The following KIAA1755 variants were observed in gnomAD, a reference collection of about 807,000 sequenced individuals.
The protein encoded by KIAA1755 is KIAA1755.
KIAA1755 carries 68 observed loss-of-function variants against 91.7 expected under a neutral mutation model. That is an observed-to-expected ratio of 0.74 (90% CI 0.61 to 0.91). KIAA1755 has a LOEUF of 0.91. Among genes scored for constraint, KIAA1755 ranks in the 40% least tolerant of loss-of-function variants. KIAA1755 has a pLI of 0.00. For missense variants in KIAA1755, 1,535 were observed against 1,494.4 expected, an observed-to-expected ratio of 1.03 and a Z score of -0.45; for synonymous variants, 610 against 604.6, an observed-to-expected ratio of 1.01 and a Z score of -0.13.
chr20:38,219,032 T>C (rs923559951), intron 11 of KIAA1755, among the ~76,000 whole-genome samples: 1 of 152,186 alleles, frequency 6.6e-6, no homozygotes, highest in African/African-American at 2.4e-5. Context: ...GTACTGATAT[T>C]ACCCCCCATT....
At chr20:38,213,969 T>TG (rs2075500303) in intron 13 of KIAA1755, among the ~76,000 whole-genome samples, 1 of 151,502 alleles carries the variant, frequency 6.6e-6, no homozygotes. Context: ...TTTTTTTTTT[T>TG]GAGATGGAGT....
In KIAA1755 at chr20:38,239,407, G is replaced by T. The variant is rs2076013334; in HGVS notation, c.1747+121C>A. 3 of 791,864 alleles carry T rather than the reference G, an allele frequency of 3.8e-6. No individual in the cohort carries two copies. In the South Asian group the frequency reaches 4.8e-5, roughly 13 times the overall value. 49.1% of individuals were successfully genotyped at this position (791,864 alleles called of 1,614,324 possible). ...GATGAGGAAACTGAGGCCCAAGGAGGCTTGGTCTAGAACCTAGGCCTCCAG... is the reference window on the plus strand; with the variant it reads ...GATGAGGAAACTGAGGCCCAAGGAGTCTTGGTCTAGAACCTAGGCCTCCAG... On this transcript the variant is annotated intron_variant, in intron 4 of 13. Transcript: ENST00000279024.
intron 5 of KIAA1755, among the ~76,000 whole-genome samples, chr20:38,228,718 T>C (rs947878408): frequency 2.0e-5 from 3 of 152,138 alleles, no homozygotes; most frequent in South Asian, 2.1e-4. Flanking sequence ...GCCAATGATA[T>C]GTGAGGGAAA....
At chr20:38,223,367 T>C (rs2075695869) in intron 9 of KIAA1755, among the ~76,000 whole-genome samples, 171 bp downstream of exon 9, 1 of 152,190 alleles carries the variant, frequency 6.6e-6, no homozygotes, top group Non-Finnish European at 1.5e-5. Flanking sequence ...TCCAGGCTGG[T>C]CTCCAGTGCA....
chr20:38,258,985 C>A (rs1361135358), intron 1 of KIAA1755, among the ~76,000 whole-genome samples: 5 of 152,116 alleles, frequency 3.3e-5, no homozygotes, highest in South Asian at 2.1e-4. Context: ...CACGCTGTGG[C>A]CCTGGAGTGA....
At chr20:38,253,066 A>AGCCCGCCTGG (rs1056650691) in intron 1 of KIAA1755, among the ~76,000 whole-genome samples, 2 of 111,762 alleles carry the variant, frequency 1.8e-5, no homozygotes, top group Non-Finnish European at 3.6e-5. Context: ...CACAGCCCGC[A>AGCCCGCCTGG]GCCCGGCAGG....
chr20:38,250,295 G>A (rs539372349), intron 1 of KIAA1755, among the ~76,000 whole-genome samples: 13 of 152,184 alleles, frequency 8.5e-5, no homozygotes, highest in Admixed American at 3.3e-4. Flanking sequence ...GATTTAACTC[G>A]TTGTGCCTCA....
In KIAA1755 at chr20:38,260,511, T is replaced by A; in HGVS notation, c.-11A>T. The A allele has an allele frequency of 6.8e-7, 1 of 1,481,104 alleles. No homozygotes were observed. The highest frequency in any genetic ancestry group is 8.9e-7 in the Non-Finnish European group (1 of 1,117,958). The allele number at this position is 1,481,104 out of a possible 1,614,324, so 91.7% of individuals were successfully genotyped here. On this transcript the variant is annotated 5_prime_UTR_variant, in exon 1 of 14. Coordinates refer to ENST00000279024, the MANE Select transcript of KIAA1755 (RefSeq NM_001029864.2). The stretch of plus-strand genomic sequence containing the variant: ...TTGGCGCGTTACCATGGTGACGGGC[T>A]GCCAGCGGCGGGCGGCGCGGCTCCT...
chr20:38,247,767 G>A (rs899497388), intron 1 of KIAA1755, among the ~76,000 whole-genome samples: 5 of 152,182 alleles, frequency 3.3e-5, no homozygotes, highest in African/African-American at 9.7e-5. Flanking sequence ...AGGTGGAAGA[G>A]GATGCAGAAG....
rs376735336 is a variant in KIAA1755 at position 38,216,935 on chromosome 20, G to A, written c.2901+318C>T. On this transcript the variant is annotated intron_variant, in intron 13 of 13. Coordinates refer to ENST00000279024, the MANE Select transcript of KIAA1755 (RefSeq NM_001029864.2). ...TGGGGAAGCATATAAGGCATGTCACGGGGTACCACAGACACATCTATGTTC... is the reference window on the plus strand; with the variant it reads ...TGGGGAAGCATATAAGGCATGTCACAGGGTACCACAGACACATCTATGTTC... 803 of 592,484 alleles carry A rather than the reference G, an allele frequency of 1.4e-3. 1 individual carries two copies. The highest frequency in any genetic ancestry group is 2.0e-3 in the South Asian group (130 of 65,764). 36.7% of individuals were successfully genotyped at this position (592,484 alleles called of 1,614,324 possible). A position where few individuals can be genotyped will look rare whatever the true frequency, so the allele number is the denominator to read the frequency against.
At chr20:38,233,152 C>T (rs2075899850) in intron 4 of KIAA1755, 1 of 151,934 alleles carries the variant, frequency 6.6e-6, no homozygotes, top group African/African-American at 2.4e-5. Context: ...GTTAAGTGTA[C>T]TAAATGGTAT....
chr20:38,253,974 C>T (rs1244520235), intron 1 of KIAA1755, among the ~76,000 whole-genome samples: 1 of 152,200 alleles, frequency 6.6e-6, no homozygotes, highest in African/African-American at 2.4e-5. Flanking sequence ...ACCTCTGCCT[C>T]CTGGGTTCAA....
At chr20:38,237,952 C>T (rs1241894073) in intron 4 of KIAA1755, among the ~76,000 whole-genome samples, 1 of 152,148 alleles carries the variant, frequency 6.6e-6, no homozygotes. Context: ...TGCACACATG[C>T]TACACATCAG....
chr20:38,217,283 C>T lies in KIAA1755; in HGVS notation c.2871G>A (p.Thr957=), dbSNP rs1052462146. ...TGCAGAAGCGGTGCAGGTGGAGCAG[C>T]GTCTCGAGGTCCGTGCGTTGCCGCT... ...AAERQRTDLE[T]LLHLHRFCKR... is the part of the protein sequence containing the mutation. Residue 957 remains threonine, a synonymous_variant, in exon 13 of 14, where the codon ACG becomes ACA. Coordinates refer to ENST00000279024, the MANE Select transcript of KIAA1755 (RefSeq NM_001029864.2). 3.1e-5 allele frequency: 49 copies of T among 1,605,372 alleles called. No individual in the cohort carries two copies. In the Admixed American group the frequency reaches 3.8e-4, roughly 12 times the overall value.
In KIAA1755 at chr20:38,228,195, C is replaced by T. The variant is rs1443214491; in HGVS notation, c.1917G>A (p.Arg639=). 6 of 1,604,968 alleles carry T rather than the reference C, an allele frequency of 3.7e-6. No individual in the cohort carries two copies. In the South Asian group the frequency reaches 6.8e-5, roughly 18 times the overall value. The change falls in exon 6 of 14, where the codon AGG becomes AGA. Residue 639 remains arginine (R), a synonymous_variant. Transcript: ENST00000279024. The part of the protein sequence containing the change: ...AKGLAVLIDA[R]RQPPQPGLVS... ...CCAGACCGGGCTGTGGGGGCTGTCT[C>T]CTGGCGTCAATCAGGACCGCCAGCC...
intron 12 of KIAA1755, 42 bp from the exon 13 acceptor site, chr20:38,217,516 T>C: frequency 6.8e-7 from 1 of 1,464,020 alleles, no homozygotes; most frequent in African/African-American, 1.4e-5. Context: ...GCACCCACCT[T>C]GGCTGGGGCC....
chr20:38,222,829 T>C (rs1371877228), intron 9 of KIAA1755: 2 of 596,222 alleles, frequency 3.4e-6, no homozygotes, highest in Non-Finnish European at 6.0e-6. Flanking sequence ...CATTCCAGCC[T>C]CTTCGCTGAT....
At chr20:38,259,590 G>A (rs13040253) in intron 1 of KIAA1755, among the ~76,000 whole-genome samples, 5 of 52 alleles carry the variant, frequency 0.096, no homozygotes, top group Non-Finnish European at 0.15. Context: ...TTGTGGAGAT[G>A]CATTTGCTGT....
At chr20:38,257,685 A>G (rs1026982021) in intron 1 of KIAA1755, among the ~76,000 whole-genome samples, 28 of 152,084 alleles carry the variant, frequency 1.8e-4, no homozygotes, top group Admixed American at 1.2e-3. Context: ...ACAGCGAGAA[A>G]GTTACTCCAG....
Sources: allele counts gnomAD v4.1 joint callset (sites outside exome capture counted in the v4.1 genomes callset), GRCh38; gene constraint gnomAD v4.1.1; transcripts MANE v1.5; gene names NCBI Gene and HGNC (gene_info 2026-07-23, HGNC 2026-07-21).